The following CREB5 variants were observed in gnomAD, a reference collection of about 807,000 sequenced individuals.
CREB5 encodes the protein cAMP responsive element binding protein 5, also known as cyclic AMP-responsive element-binding protein 5.
In CREB5, 19 loss-of-function variants were observed where a neutral mutation model predicts 57.1. The ratio of observed to expected loss-of-function variants is 0.33; its 90% confidence interval spans 0.23 to 0.49. CREB5 has a LOEUF of 0.49. Ranked by LOEUF, CREB5 falls within the 20% of genes least tolerant of loss-of-function variation. The pLI, the probability that CREB5 is intolerant of heterozygous loss-of-function variation, is 0.99. For synonymous variants in CREB5, 238 were observed against 238.3 expected (o/e 1.00, Z 0.01); for missense variants, 579 against 671.6 (o/e 0.86, Z 1.52).
At chr7:28,470,934 T>G (rs893908595) in intron 1 of CREB5, among the ~76,000 whole-genome samples, 1 of 152,224 alleles carries the variant, frequency 6.6e-6, no homozygotes, top group Non-Finnish European at 1.5e-5. Flanking sequence ...TTATTAGATT[T>G]TGTTCTAGAG....
chr7:28,775,973 C>G (rs1272026153), intron 7 of CREB5, among the ~76,000 whole-genome samples: 2 of 152,084 alleles, frequency 1.3e-5, no homozygotes, highest in African/African-American at 2.4e-5. Context: ...TATGTAACTG[C>G]CCCGTGTGCA....
At chr7:28,620,577 A>G (rs572202079) in intron 5 of CREB5, among the ~76,000 whole-genome samples, 1 of 152,172 alleles carries the variant, frequency 6.6e-6, no homozygotes, top group Non-Finnish European at 1.5e-5. Context: ...GATACAAATT[A>G]TATTTGGCCT....
chr7:28,814,119 A>G (rs1809284051), intron 9 of CREB5, among the ~76,000 whole-genome samples: 1 of 152,216 alleles, frequency 6.6e-6, no homozygotes, highest in African/African-American at 2.4e-5. Context: ...GATTTCTTGT[A>G]TGCATTTTGA....
intron 5 of CREB5, among the ~76,000 whole-genome samples, chr7:28,658,410 G>A (rs999024475): frequency 6.6e-6 from 1 of 152,168 alleles, no homozygotes; most frequent in African/African-American, 2.4e-5. Context: ...AGGCTTTGTT[G>A]TTAGATCGAC....
intron 1 of CREB5, among the ~76,000 whole-genome samples, chr7:28,384,879 TA>T (rs141633533): frequency 0.013 from 2,010 of 152,300 alleles, 43 homozygotes; most frequent in African/African-American, 0.046. Context: ...GTTTCCTTGT[TA>T]AAACTAAAAT....
chr7:28,488,389 GATC>G (rs1439618512), intron 2 of CREB5, 143 bp downstream of exon 2: 3 of 641,338 alleles, frequency 4.7e-6, no homozygotes, highest in African/African-American at 3.6e-5. Flanking sequence ...TCAGTATCGT[GATC>G]ATCATCATTT....
rs1372023420 is a variant in CREB5 at position 28,560,991 on chromosome 7, T to C, written c.292-9374T>C. Among the ~76,000 whole-genome samples the C allele has an allele frequency of 1.1e-3, 53 of 47,012 alleles. 2 individuals are homozygous for C. Among genetic ancestry groups the C allele is most frequent in the African/African-American group, 1.4e-3 (22 of 16,156 alleles). The allele number at this position is 47,012 out of a possible 152,430, so 30.8% of individuals were successfully genotyped here. A position where few individuals can be genotyped will look rare whatever the true frequency, so the allele number is the denominator to read the frequency against. ...GTGTGTGCGTGTGTGCGTGCGTGTG[T>C]GTGCCTGCGTGTGCGTGTGTGTGTG... On this transcript the variant is annotated intron_variant, in intron 4 of 10. Coordinates refer to ENST00000357727, the MANE Select transcript of CREB5 (RefSeq NM_182898.4).
chr7:28,342,264 A>G (rs1785951534), intron 1 of CREB5, among the ~76,000 whole-genome samples: 1 of 152,226 alleles, frequency 6.6e-6, no homozygotes, highest in African/African-American at 2.4e-5. Context: ...AGATGTGGCT[A>G]TCATCCTTGG....
At chr7:28,407,745 C>T (rs896661214), upstream of CREB5, among the ~76,000 whole-genome samples, 1 of 152,138 alleles carries the variant, frequency 6.6e-6, no homozygotes, top group Non-Finnish European at 1.5e-5. Flanking sequence ...GGGCAAGGGG[C>T]CACTTAAACA....
At chr7:28,458,598 T>C (rs1323668114) in intron 1 of CREB5, among the ~76,000 whole-genome samples, 1 of 152,210 alleles carries the variant, frequency 6.6e-6, no homozygotes, top group African/African-American at 2.4e-5. Flanking sequence ...CCAAAGTTAC[T>C]GTAGATGCCA....
intron 7 of CREB5, among the ~76,000 whole-genome samples, chr7:28,754,735 T>TC (rs1022748425): frequency 1.1e-4 from 17 of 152,152 alleles, no homozygotes; most frequent in Non-Finnish European, 2.2e-4. Context: ...CTCTTTTTTT[T>TC]CCCCCAATAA....
intron 1 of CREB5, among the ~76,000 whole-genome samples, chr7:28,384,589 TA>T (rs201671493): frequency 5.3e-5 from 8 of 150,806 alleles, no homozygotes; most frequent in African/African-American, 2.0e-4. Context: ...CCTCTCCTAA[TA>T]AAAAAAAACC....
At chr7:28,459,744 C>T (rs62449864) in intron 1 of CREB5, among the ~76,000 whole-genome samples, 23 of 152,280 alleles carry the variant, frequency 1.5e-4, no homozygotes, top group Non-Finnish European at 2.9e-4. Flanking sequence ...ATGCTGGCCT[C>T]GTCTTTGACT....
intron 3 of CREB5, among the ~76,000 whole-genome samples, chr7:28,498,792 C>T (rs1792160147): frequency 6.6e-6 from 1 of 152,138 alleles, no homozygotes; most frequent in African/African-American, 2.4e-5. Context: ...TGGGTCTTCT[C>T]ATCTTTATTT....
chr7:28,736,532 G>A (rs987905955), intron 7 of CREB5, among the ~76,000 whole-genome samples: 3 of 152,166 alleles, frequency 2.0e-5, no homozygotes, highest in African/African-American at 7.2e-5. Context: ...TCTCCTATGA[G>A]GTGGGTGTCC....
intron 5 of CREB5, among the ~76,000 whole-genome samples, chr7:28,573,441 G>C (rs1488739236): frequency 1.3e-5 from 2 of 152,212 alleles, no homozygotes; most frequent in Non-Finnish European, 2.9e-5. Flanking sequence ...CAGGCTCAGT[G>C]CTTAAGCTGC....
At chr7:28,619,596 A>G (rs1403559888) in intron 5 of CREB5, among the ~76,000 whole-genome samples, 1 of 152,170 alleles carries the variant, frequency 6.6e-6, no homozygotes, top group Non-Finnish European at 1.5e-5. Context: ...CAGCTACTTC[A>G]GAGACTGGAG....
intron 5 of CREB5, among the ~76,000 whole-genome samples, chr7:28,692,013 CAAA>C (rs10660459): frequency 2.9e-5 from 3 of 102,848 alleles, no homozygotes; most frequent in Non-Finnish European, 4.3e-5. Context: ...TACTAAAATA[CAAA>C]AAAAAAAAAA....
At chr7:28,532,172 AGAGGTCCAC>A (rs1254120560) in intron 4 of CREB5, among the ~76,000 whole-genome samples, 11 of 152,346 alleles carry the variant, frequency 7.2e-5, no homozygotes, top group Middle Eastern at 3.4e-3. Flanking sequence ...AGCCCTGTGG[AGAGGTCCAC>A]GTGGCCAGGA....
Sources: allele counts gnomAD v4.1 joint callset (sites outside exome capture counted in the v4.1 genomes callset), GRCh38; gene constraint gnomAD v4.1.1; transcripts MANE v1.5; gene names NCBI Gene and HGNC (gene_info 2026-07-23, HGNC 2026-07-21).